Variants in FANCC observed in about 807,000 individuals in gnomAD.
FANCC encodes the protein FA complementation group C, also known as Fanconi anemia group C protein.
Under a neutral mutation model 71.3 loss-of-function variants are expected in FANCC, and 55 were observed. That is an observed-to-expected ratio of 0.77 (90% CI 0.62 to 0.97). The LOEUF (loss-of-function observed/expected upper bound fraction) is 0.97, where lower values mean the gene tolerates loss of function less well. Ranked by LOEUF, FANCC falls within the 50% of genes least tolerant of loss-of-function variation. The probability of loss-of-function intolerance (pLI) is 0.00; values close to 1 mark genes in which losing one functional copy is unlikely to be tolerated. For missense variants in FANCC, 678 were observed against 670.9 expected, an observed-to-expected ratio of 1.01 and a Z score of -0.12; for synonymous variants, 275 against 244.9, an observed-to-expected ratio of 1.12 and a Z score of -1.15.
intron 1 of FANCC, chr9:95,294,925 T>C (rs1834279968): frequency 2.1e-6 from 2 of 939,484 alleles, no homozygotes; most frequent in South Asian, 3.0e-5. Context: ...TGCAGTTGCT[T>C]AGCTTCTTTG....
At chr9:95,149,869 C>A (rs1295240613) in intron 7 of FANCC, 54 bp downstream of exon 7, 9 of 1,547,382 alleles carry the variant, frequency 5.8e-6, no homozygotes, top group Non-Finnish European at 7.0e-6. Context: ...CACACCACAG[C>A]CTTCTAAGAA....
chr9:95,265,934 C>T (rs1217271453), intron 1 of FANCC, among the ~76,000 whole-genome samples: 3 of 152,138 alleles, frequency 2.0e-5, no homozygotes, highest in Non-Finnish European at 4.4e-5. Context: ...GAGAAGGAAA[C>T]ACAGGGGGCT....
chr9:95,295,181 ACATCAAACTAAAAATC>A (rs1373945896), intron 1 of FANCC, among the ~76,000 whole-genome samples: 2 of 152,348 alleles, frequency 1.3e-5, no homozygotes, highest in East Asian at 1.9e-4. Context: ...AAATGGAATT[ACATCAAACTAAAAATC>A]CATCAAACTA....
intron 14 of FANCC, among the ~76,000 whole-genome samples, chr9:95,104,388 G>A (rs1462219452): frequency 6.6e-6 from 1 of 152,164 alleles, no homozygotes; most frequent in African/African-American, 2.4e-5. Flanking sequence ...GGCTTCTGCT[G>A]TGTGTGTCTT....
intron 4 of FANCC, among the ~76,000 whole-genome samples, chr9:95,210,252 C>T (rs531658726): frequency 1.3e-5 from 2 of 152,110 alleles, no homozygotes; most frequent in African/African-American, 4.8e-5. Flanking sequence ...GATATGTGAG[C>T]AGGGACAGTT....
At chr9:95,279,040 T>C (rs2136253374) in intron 1 of FANCC, among the ~76,000 whole-genome samples, 1 of 151,710 alleles carries the variant, frequency 6.6e-6, no homozygotes, top group South Asian at 2.1e-4. Flanking sequence ...ATTGGCTGGG[T>C]ATGCTGGCTT....
intron 8 of FANCC, among the ~76,000 whole-genome samples, chr9:95,129,847 GCCCT>G (rs1413364453): frequency 5.9e-5 from 9 of 152,154 alleles, no homozygotes; most frequent in African/African-American, 2.2e-4. Flanking sequence ...TCTGGGTTCT[GCCCT>G]CCCTCTTGTA....
chr9:95,124,965 C>T (rs113078811), intron 10 of FANCC, 121 bp downstream of exon 10: 22 of 845,522 alleles, frequency 2.6e-5, no homozygotes, highest in African/African-American at 1.3e-4. Flanking sequence ...TCATTAGGAA[C>T]CTTTCTTTGT....
intron 6 of FANCC, among the ~76,000 whole-genome samples, chr9:95,163,703 T>G (rs1400754304): frequency 6.6e-6 from 1 of 152,002 alleles, no homozygotes; most frequent in East Asian, 1.9e-4. Context: ...TACAAAATCA[T>G]CTGGGCATGG....
At chr9:95,167,693 T>A (rs2135555120) in intron 6 of FANCC, among the ~76,000 whole-genome samples, 1 of 152,304 alleles carries the variant, frequency 6.6e-6, no homozygotes, top group South Asian at 2.1e-4. Flanking sequence ...GATATTCTCA[T>A]TTTGCTCACA....
chr9:95,198,139 A>G (rs1373111584), intron 4 of FANCC, among the ~76,000 whole-genome samples: 1 of 152,196 alleles, frequency 6.6e-6, no homozygotes, highest in Non-Finnish European at 1.5e-5. Flanking sequence ...GTCATGACCC[A>G]GCAGCTAGTG....
At chr9:95,212,262 T>C (rs1401175945) in intron 4 of FANCC, among the ~76,000 whole-genome samples, 3 of 152,046 alleles carry the variant, frequency 2.0e-5, no homozygotes, top group Non-Finnish European at 4.4e-5. Context: ...TAGAGGAATC[T>C]CGAAAGACTC....
intron 14 of FANCC, among the ~76,000 whole-genome samples, chr9:95,106,611 G>A (rs1055707907): frequency 6.6e-5 from 10 of 152,326 alleles, no homozygotes; most frequent in South Asian, 4.1e-4. Context: ...GTGGGCTTCA[G>A]GAAGGATTTC....
At chr9:95,295,665 G>T (rs1834321985) in intron 1 of FANCC, among the ~76,000 whole-genome samples, 1 of 151,962 alleles carries the variant, frequency 6.6e-6, no homozygotes. Flanking sequence ...CTACTTAGGA[G>T]GCTACAGCAG....
At position 95,101,774 on chromosome 9, in the gene FANCC, C is replaced by T. The variant is rs775430136; in HGVS notation, c.1610G>A (p.Gly537Asp). The T allele has an allele frequency of 1.2e-6, 2 of 1,614,174 alleles. No individual in the cohort carries two copies. The highest frequency in any genetic ancestry group is 1.7e-6 in the Non-Finnish European group (2 of 1,180,044). The change falls in exon 15 of 15, where the codon GGC (glycine) becomes GAC (aspartate). Residue 537 changes from glycine (G) to aspartate (D), a missense_variant. Coordinates refer to ENST00000289081, the MANE Select transcript of FANCC (RefSeq NM_000136.3). ...DQTLYRWNRLGIESPRSEKLA... is the reference protein window; with the variant it reads ...DQTLYRWNRLDIESPRSEKLA... Reference sequence around the variant, plus strand: ...TTTTTCTGATCTAGGGCTTTCAATGCCAAGACGATTCCATCTGTACAAGGT... The same window carrying T: ...TTTTTCTGATCTAGGGCTTTCAATGTCAAGACGATTCCATCTGTACAAGGT...
intron 6 of FANCC, among the ~76,000 whole-genome samples, chr9:95,164,912 C>T (rs1392433397): frequency 6.6e-6 from 1 of 152,084 alleles, no homozygotes; most frequent in African/African-American, 2.4e-5. Context: ...CCATCTGGTC[C>T]TGGTTTTTTT....
chr9:95,143,357 T>C (rs572538052), intron 7 of FANCC, among the ~76,000 whole-genome samples: 3 of 152,332 alleles, frequency 2.0e-5, no homozygotes, highest in Non-Finnish European at 4.4e-5. Flanking sequence ...ATTAAATCGC[T>C]GGCCAGTAGT....
At chr9:95,283,949 TA>T (rs1833522566) in intron 1 of FANCC, among the ~76,000 whole-genome samples, 1 of 152,250 alleles carries the variant, frequency 6.6e-6, no homozygotes, top group African/African-American at 2.4e-5. Context: ...TCCGTTTCTG[TA>T]TCTGTAAAAT....
intron 4 of FANCC, among the ~76,000 whole-genome samples, chr9:95,214,628 T>G (rs746582232): frequency 6.6e-6 from 1 of 152,198 alleles, no homozygotes; most frequent in Non-Finnish European, 1.5e-5. Flanking sequence ...GACGAATGGA[T>G]AAGCAAAATG....
Sources: allele counts gnomAD v4.1 joint callset (sites outside exome capture counted in the v4.1 genomes callset), GRCh38; gene constraint gnomAD v4.1.1; transcripts MANE v1.5; gene names NCBI Gene and HGNC (gene_info 2026-07-23, HGNC 2026-07-21).